The following FRMD3 variants were observed in gnomAD, a reference collection of about 807,000 sequenced individuals.
The protein encoded by FRMD3 is FERM domain-containing protein 3.
FRMD3 carries 33 observed loss-of-function variants against 70.2 expected under a neutral mutation model. The ratio of observed to expected loss-of-function variants is 0.47; its 90% confidence interval spans 0.36 to 0.63. The LOEUF (loss-of-function observed/expected upper bound fraction) is 0.63. FRMD3 is among the 20% of genes least tolerant of loss of function. The pLI, the probability that FRMD3 is intolerant of heterozygous loss-of-function variation, is 0.00. For missense variants in FRMD3, 632 were observed against 711.4 expected (o/e 0.89, Z 1.27); for synonymous variants, 279 against 255.9 (o/e 1.09, Z -0.86).
chr9:83,278,088 G>A (rs1393017323), intron 13 of FRMD3, among the ~76,000 whole-genome samples: 1 of 152,170 alleles, frequency 6.6e-6, no homozygotes, highest in South Asian at 2.1e-4. Context: ...GGCACTGAGG[G>A]AAGACCTTCC....
intron 13 of FRMD3, among the ~76,000 whole-genome samples, chr9:83,284,591 A>G (rs1834113901): frequency 1.3e-5 from 2 of 152,202 alleles, no homozygotes; most frequent in Admixed American, 1.3e-4. Context: ...CTGGCAACAG[A>G]GCAAGACTCC....
chr9:83,395,373 C>T (rs1357524375), intron 1 of FRMD3, among the ~76,000 whole-genome samples: 2 of 151,360 alleles, frequency 1.3e-5, no homozygotes, highest in East Asian at 1.9e-4. Context: ...TGTGCAGGTT[C>T]GTTATACAGG....
intron 13 of FRMD3, among the ~76,000 whole-genome samples, chr9:83,255,358 C>G (rs1832653272): frequency 6.6e-6 from 1 of 152,042 alleles, no homozygotes; most frequent in Non-Finnish European, 1.5e-5. Context: ...TCTCAATAAA[C>G]TAAGTAATGA....
chr9:83,564,756 C>T, the FRMD3 span, among the ~76,000 whole-genome samples: 2 of 152,142 alleles, frequency 1.3e-5, no homozygotes, highest in African/African-American at 2.4e-5. Flanking sequence ...GCACAAAATA[C>T]AAGTGTTTCT....
chr9:83,257,322 G>A (rs1832753991), intron 13 of FRMD3, among the ~76,000 whole-genome samples: 2 of 152,172 alleles, frequency 1.3e-5, no homozygotes, highest in African/African-American at 4.8e-5. Flanking sequence ...GCTGAATGAT[G>A]AGAACACATG....
At chr9:83,373,023 TA>T in intron 2 of FRMD3, 68 bp from the exon 3 acceptor site, 1 of 1,270,956 alleles carries the variant, frequency 7.9e-7, no homozygotes, top group South Asian at 1.2e-5. Flanking sequence ...GAATACCTAA[TA>T]ACTAAAAGGA....
intron 13 of FRMD3, chr9:83,266,897 A>T: frequency 9.1e-7 from 1 of 1,101,804 alleles, no homozygotes; most frequent in Non-Finnish European, 1.3e-6. Flanking sequence ...TTTCATCCTT[A>T]TCAAAAACCT....
intron 2 of FRMD3, among the ~76,000 whole-genome samples, chr9:83,375,958 G>C (rs971001496): frequency 6.6e-6 from 1 of 152,018 alleles, no homozygotes; most frequent in Admixed American, 6.6e-5. Flanking sequence ...TCAGGAGTTC[G>C]AGACCAGCCT....
the FRMD3 span, among the ~76,000 whole-genome samples, chr9:83,559,918 CTTA>C: frequency 6.6e-6 from 1 of 151,868 alleles, no homozygotes; most frequent in Non-Finnish European, 1.5e-5. Flanking sequence ...TTTTATCTAT[CTTA>C]TTATAATCTT....
In FRMD3 at chr9:83,246,550, G is replaced by A. The variant is rs1240333959; in HGVS notation, c.*1368C>T. 1.3e-5 allele frequency: 13 copies of A among 984,700 alleles called. No individual in the cohort carries two copies. The highest frequency in any genetic ancestry group is 1.8e-5 in the African/African-American group (1 of 57,048). The allele number at this position is 984,700 out of a possible 1,614,324, so 61.0% of individuals were successfully genotyped here. ...CATGAGGCCTCTCCAGTTTCTCTAT[G>A]GAAGTCAAATTTTAAAACAACTGGG... is the stretch of plus-strand genomic sequence containing the variant. On this transcript the variant is annotated 3_prime_UTR_variant, in exon 14 of 14. Transcript: ENST00000304195.
intron 12 of FRMD3, among the ~76,000 whole-genome samples, chr9:83,291,420 C>T (rs1451296553): frequency 1.3e-5 from 2 of 152,124 alleles, no homozygotes; most frequent in African/African-American, 2.4e-5. Flanking sequence ...AGCTGCTTGC[C>T]CTAGTCTGCC....
At chr9:83,432,000 A>G (rs1383851919) in intron 1 of FRMD3, among the ~76,000 whole-genome samples, 1 of 152,216 alleles carries the variant, frequency 6.6e-6, no homozygotes, top group Admixed American at 6.5e-5. Flanking sequence ...AACCCGTGGC[A>G]GCTCGAGGCA....
chr9:83,371,464 C>A (rs1003430553), intron 3 of FRMD3, among the ~76,000 whole-genome samples: 8 of 152,106 alleles, frequency 5.3e-5, no homozygotes, highest in Non-Finnish European at 1.2e-4. Context: ...CTACAGGCAA[C>A]CACCACCACA....
chr9:83,378,873 T>C (rs995422290), intron 2 of FRMD3, among the ~76,000 whole-genome samples: 5 of 81,672 alleles, frequency 6.1e-5, no homozygotes, highest in Admixed American at 3.5e-4. Flanking sequence ...ATATACACTA[T>C]ATATATAAAT....
intron 12 of FRMD3, chr9:83,297,551 T>C (rs927309105): frequency 1.3e-5 from 4 of 312,356 alleles, no homozygotes; most frequent in African/African-American, 2.2e-5. Context: ...AGATGAATGA[T>C]ATGTTTTATC....
At chr9:83,558,261 C>CGTGTGTGT in the FRMD3 span, among the ~76,000 whole-genome samples, 48 of 151,350 alleles carry the variant, frequency 3.2e-4, no homozygotes, top group African/African-American at 1.1e-3. Flanking sequence ...AACGCATGCA[C>CGTGTGTGT]GTGTGTGTGT....
intron 4 of FRMD3, 46 bp downstream of exon 4, chr9:83,349,633 G>A: frequency 7.4e-7 from 1 of 1,358,998 alleles, no homozygotes; most frequent in Non-Finnish European, 1.0e-6. Context: ...AAGAGATTCT[G>A]GCTGGTTAAA....
At chr9:83,576,045 A>C in the FRMD3 span, among the ~76,000 whole-genome samples, 1 of 149,870 alleles carries the variant, frequency 6.7e-6, no homozygotes, top group Non-Finnish European at 1.5e-5. Context: ...TCATCTCTAC[A>C]AAAAAAAAAT....
At chr9:83,411,010 C>T (rs1826263616) in intron 1 of FRMD3, among the ~76,000 whole-genome samples, 1 of 152,188 alleles carries the variant, frequency 6.6e-6, no homozygotes, top group Admixed American at 6.5e-5. Context: ...TGGGACATGA[C>T]TCTGAATGAC....
Sources: allele counts gnomAD v4.1 joint callset (sites outside exome capture counted in the v4.1 genomes callset), GRCh38; gene constraint gnomAD v4.1.1; transcripts MANE v1.5; gene names NCBI Gene and HGNC (gene_info 2026-07-23, HGNC 2026-07-21).